LYPLAL1: variants seen among roughly 807,000 people sequenced by gnomAD.
LYPLAL1 encodes the protein lysophospholipase-like protein 1.
A neutral mutation model predicts 19.7 loss-of-function variants in LYPLAL1; 23 were observed. The observed-to-expected ratio is 1.17, with a 90% CI of 0.84 to 1.65. The LOEUF (loss-of-function observed/expected upper bound fraction) is 1.65, where lower values mean the gene tolerates loss of function less well. Among genes scored for constraint, LYPLAL1 ranks in the 40% most tolerant of loss-of-function variants. LYPLAL1 has a pLI of 0.00. For synonymous variants in LYPLAL1, 119 were observed against 96.3 expected (o/e 1.24, Z -1.38); for missense variants, 355 against 279.4 (o/e 1.27, Z -1.93).
chr1:219,423,146 A>C, the LYPLAL1 span, among the ~76,000 whole-genome samples: 1 of 151,966 alleles, frequency 6.6e-6, no homozygotes, highest in Admixed American at 6.6e-5. Context: ...CTCTCTTCAC[A>C]CCTTACTTCT....
chr1:219,246,250 C>G, the LYPLAL1 span, among the ~76,000 whole-genome samples: 1 of 151,980 alleles, frequency 6.6e-6, no homozygotes, highest in African/African-American at 2.4e-5. Flanking sequence ...AGCCCCAGAT[C>G]AATAAGAGGC....
the LYPLAL1 span, among the ~76,000 whole-genome samples, chr1:219,393,986 A>G: frequency 8.4e-4 from 127 of 152,006 alleles, no homozygotes; most frequent in African/African-American, 2.9e-3. Flanking sequence ...GTATATATGT[A>G]TTAATTAAAA....
the LYPLAL1 span, among the ~76,000 whole-genome samples, chr1:219,393,321 G>A: frequency 6.6e-6 from 1 of 152,144 alleles, no homozygotes; most frequent in Non-Finnish European, 1.5e-5. Context: ...TGGTCATACT[G>A]GAAGAGGTCA....
chr1:219,431,279 G>A, the LYPLAL1 span, among the ~76,000 whole-genome samples: 66 of 151,540 alleles, frequency 4.4e-4, no homozygotes, highest in African/African-American at 1.5e-3. Flanking sequence ...CAGAGGATAC[G>A]AACTCCTGTC....
At chr1:219,221,982 A>G in the LYPLAL1 span, among the ~76,000 whole-genome samples, 1 of 152,112 alleles carries the variant, frequency 6.6e-6, no homozygotes, top group African/African-American at 2.4e-5. Context: ...ATTTGGACAT[A>G]TCCTCGCCCT....
the LYPLAL1 span, among the ~76,000 whole-genome samples, chr1:219,428,567 A>G: frequency 6.6e-6 from 1 of 152,144 alleles, no homozygotes; most frequent in Non-Finnish European, 1.5e-5. Flanking sequence ...CCCTGACCTT[A>G]AAGAGCTTAC....
the LYPLAL1 span, among the ~76,000 whole-genome samples, chr1:219,285,558 G>GTA: frequency 2.3e-4 from 35 of 152,166 alleles, no homozygotes; most frequent in African/African-American, 8.4e-4. Flanking sequence ...GAGTACTGAC[G>GTA]TATAGCTACC....
At chr1:219,381,880 T>C in the LYPLAL1 span, among the ~76,000 whole-genome samples, 1 of 152,180 alleles carries the variant, frequency 6.6e-6, no homozygotes, top group African/African-American at 2.4e-5. Flanking sequence ...CACAGTACAA[T>C]ACGAGCTATG....
chr1:219,310,930 G>A, the LYPLAL1 span, among the ~76,000 whole-genome samples: 4 of 152,196 alleles, frequency 2.6e-5, no homozygotes, highest in Admixed American at 6.5e-5. Context: ...AAGGATTGCT[G>A]AGAAGTAAGA....
chr1:219,421,197 C>A, the LYPLAL1 span, among the ~76,000 whole-genome samples: 1 of 152,068 alleles, frequency 6.6e-6, no homozygotes, highest in Non-Finnish European at 1.5e-5. Flanking sequence ...GAGTTAGGCC[C>A]AATTTATTAA....
the LYPLAL1 span, among the ~76,000 whole-genome samples, chr1:219,369,554 G>A: frequency 1.3e-5 from 2 of 152,246 alleles, no homozygotes; most frequent in Admixed American, 1.3e-4. Context: ...TTATGGGCGT[G>A]AGCCACTGAT....
intron 2 of LYPLAL1, among the ~76,000 whole-genome samples, chr1:219,187,286 G>T (rs776261128): frequency 6.6e-6 from 1 of 151,584 alleles, no homozygotes; most frequent in East Asian, 1.9e-4. Context: ...TGATTATAAG[G>T]TATCCCTTTT....
the LYPLAL1 span, among the ~76,000 whole-genome samples, chr1:219,320,495 G>C: frequency 6.6e-6 from 1 of 152,064 alleles, no homozygotes; most frequent in South Asian, 2.1e-4. Context: ...CAACGTGCAG[G>C]TTTGTTACTT....
the LYPLAL1 span, among the ~76,000 whole-genome samples, chr1:219,419,594 C>CAGAGAGAGAGAG: frequency 6.1e-4 from 61 of 99,600 alleles, 1 homozygote; most frequent in South Asian, 1.6e-3. Flanking sequence ...CACACACACA[C>CAGAGAGAGAGAG]AGAGAGAGAG....
chr1:219,436,556 C>A, the LYPLAL1 span, among the ~76,000 whole-genome samples: 1 of 151,962 alleles, frequency 6.6e-6, no homozygotes, highest in Non-Finnish European at 1.5e-5. Flanking sequence ...GGAGTGTGTG[C>A]TCTAATTTGG....
the LYPLAL1 span, among the ~76,000 whole-genome samples, chr1:219,260,051 G>A: frequency 2.6e-5 from 4 of 151,752 alleles, no homozygotes; most frequent in Admixed American, 6.6e-5. Context: ...CAAGACAAGG[G>A]TAAATTAGTA....
At chr1:219,289,967 T>C in the LYPLAL1 span, among the ~76,000 whole-genome samples, 1 of 152,190 alleles carries the variant, frequency 6.6e-6, no homozygotes, top group Non-Finnish European at 1.5e-5. Context: ...CCAATCCTAC[T>C]GATCCACAAT....
chr1:219,183,482 T>C (rs1656462204), intron 2 of LYPLAL1, among the ~76,000 whole-genome samples: 1 of 152,060 alleles, frequency 6.6e-6, no homozygotes, highest in Non-Finnish European at 1.5e-5. Flanking sequence ...TTAATTTTGA[T>C]AAATTATAGT....
At chr1:219,246,701 C>A in the LYPLAL1 span, among the ~76,000 whole-genome samples, 1 of 152,192 alleles carries the variant, frequency 6.6e-6, no homozygotes, top group African/African-American at 2.4e-5. Context: ...ATCCTCCCAC[C>A]TCAGCCTCCT....
Sources: allele counts gnomAD v4.1 joint callset (sites outside exome capture counted in the v4.1 genomes callset), GRCh38; gene constraint gnomAD v4.1.1; transcripts MANE v1.5; gene names NCBI Gene and HGNC (gene_info 2026-07-23, HGNC 2026-07-21).